Variants in ZNF654 observed in about 807,000 individuals in gnomAD.
ZNF654 encodes zinc finger protein 654.
ZNF654 carries 19 observed loss-of-function variants against 95.3 expected under a neutral mutation model. That is an observed-to-expected ratio of 0.20 (90% CI 0.14 to 0.29). The LOEUF is 0.29. Among genes scored for constraint, ZNF654 ranks in the 10% least tolerant of loss-of-function variants. The probability of loss-of-function intolerance (pLI) is 1.00; values close to 1 mark genes in which losing one functional copy is unlikely to be tolerated. For missense variants in ZNF654, 1,046 were observed against 1,341.0 expected, an observed-to-expected ratio of 0.78 and a Z score of 3.44; for synonymous variants, 413 against 457.9, an observed-to-expected ratio of 0.90 and a Z score of 1.25.
At chr3:88,065,240 AGATGTTGACGGCTGTATTTGGG>A (rs1707128415) in intron 1 of ZNF654, among the ~76,000 whole-genome samples, 3 of 152,170 alleles carry the variant, frequency 2.0e-5, no homozygotes. Context: ...AATGAACCTT[AGATGTTGACGGCTGTATTTGGG>A]GAGCTAAATC....
At chr3:88,074,713 A>G (rs1707706260) in intron 1 of ZNF654, among the ~76,000 whole-genome samples, 2 of 152,152 alleles carry the variant, frequency 1.3e-5, no homozygotes, top group African/African-American at 4.8e-5. Flanking sequence ...CCCAATACCC[A>G]TTAAATTTAG....
intron 3 of ZNF654, among the ~76,000 whole-genome samples, chr3:88,117,577 G>T (rs544105058): frequency 1.3e-5 from 2 of 152,122 alleles, no homozygotes; most frequent in South Asian, 2.1e-4. Flanking sequence ...TACAAATGGG[G>T]TCATTACAGA....
chr3:88,135,724 C>G (rs1706737835), intron 7 of ZNF654, among the ~76,000 whole-genome samples: 1 of 152,058 alleles, frequency 6.6e-6, no homozygotes, highest in African/African-American at 2.4e-5. Context: ...ACTTGGGCCA[C>G]TTGCAAGTGA....
chr3:88,062,250 T>C (rs1478902806), intron 1 of ZNF654, among the ~76,000 whole-genome samples: 1 of 152,176 alleles, frequency 6.6e-6, no homozygotes, highest in African/African-American at 2.4e-5. Flanking sequence ...AGACAGCAAG[T>C]AGCATAGTTG....
intron 2 of ZNF654, among the ~76,000 whole-genome samples, chr3:88,108,528 C>G (rs1704885882): frequency 6.6e-6 from 1 of 152,090 alleles, no homozygotes; most frequent in Non-Finnish European, 1.5e-5. Flanking sequence ...AGAAATAATA[C>G]ATTTTAAAAT....
intron 2 of ZNF654, among the ~76,000 whole-genome samples, chr3:88,104,389 A>G (rs1312810897): frequency 1.3e-5 from 2 of 152,186 alleles, no homozygotes; most frequent in African/African-American, 4.8e-5. Flanking sequence ...CTCTGTAACT[A>G]CTCAGCTTTG....
intron 1 of ZNF654, among the ~76,000 whole-genome samples, chr3:88,064,449 T>C (rs2107591654): frequency 6.6e-6 from 1 of 152,332 alleles, no homozygotes; most frequent in Non-Finnish European, 1.5e-5. Context: ...AATTAGGAGT[T>C]AGTTGCCATT....
chr3:88,117,532 C>T (rs879461961), intron 3 of ZNF654, among the ~76,000 whole-genome samples: 5 of 151,910 alleles, frequency 3.3e-5, no homozygotes, highest in Non-Finnish European at 7.4e-5. Context: ...ATCAGGACAA[C>T]AAAGTAGTAT....
In ZNF654 at chr3:88,138,899, T is replaced by C; in HGVS notation, c.1230T>C (p.Thr410=). 3 of 1,233,594 alleles carry C rather than the reference T, an allele frequency of 2.4e-6. No individual in the cohort carries two copies. Among genetic ancestry groups the C allele is most frequent in the Non-Finnish European group, 3.0e-6 (3 of 989,108 alleles). The allele number at this position is 1,233,594 out of a possible 1,614,324, so 76.4% of individuals were successfully genotyped here. The change falls in exon 8 of 9, where the codon ACT becomes ACC. Residue 410 remains threonine, a synonymous_variant. Coordinates refer to ENST00000636215, the MANE Select transcript of ZNF654 (RefSeq NM_001350134.2). The part of the protein sequence containing the change: ...FLERSLEAYR[T]VEELYKRPDE... The stretch of plus-strand genomic sequence containing the variant: ...AGCGCTCCTTAGAAGCGTATCGTAC[T>C]GTTGAAGAGCTTTACAAACGTCCAG...
rs1003285939 is a variant in ZNF654 at position 88,135,434 on chromosome 3, T to C, written c.1035+232T>C. On this transcript the variant is annotated intron_variant, in intron 7 of 8. Transcript: ENST00000636215. The stretch of plus-strand genomic sequence containing the variant: ...GGAAGCAATTGCTTCCATTACAACC[T>C]TTTTTCTTATAATTAAATATTTGTT... 58 of 305,508 alleles carry C rather than the reference T, an allele frequency of 1.9e-4. No homozygotes were observed. The Middle Eastern group carries it at 3.5e-3, about 19-fold the overall frequency. 18.9% of individuals were successfully genotyped at this position (305,508 alleles called of 1,614,324 possible). A position where few individuals can be genotyped will look rare whatever the true frequency, so the allele number is the denominator to read the frequency against.
At chr3:88,065,405 G>A (rs1209872909) in intron 1 of ZNF654, among the ~76,000 whole-genome samples, 1 of 151,954 alleles carries the variant, frequency 6.6e-6, no homozygotes, top group Non-Finnish European at 1.5e-5. Context: ...CTATTATTAG[G>A]GGAGTTAGTA....
At chr3:88,112,013 C>G (rs1018357478) in intron 2 of ZNF654, among the ~76,000 whole-genome samples, 2 of 151,826 alleles carry the variant, frequency 1.3e-5, no homozygotes, top group African/African-American at 4.8e-5. Flanking sequence ...AACCTAACTT[C>G]TAGAAGCATT....
rs1453217139 is a variant in ZNF654, at chr3:88,139,203, C to T, written c.1534C>T (p.Pro512Ser). The change falls in exon 8 of 9, where the codon CCT (proline) becomes TCT (serine). Residue 512 changes from proline to serine, a missense_variant. Around this residue, in one of 9 missense-constraint regions of ZNF654, gnomAD observed 100 missense variants for 108.9 expected, o/e 0.92. Transcript: ENST00000636215. Reference sequence around the variant, plus strand: ...AGATCAGAGCACTGGAGAGACTGATCCTGATGATGTATCTGGAGTGCAGCC... The same window carrying T: ...AGATCAGAGCACTGGAGAGACTGATTCTGATGATGTATCTGGAGTGCAGCC... ...LTDQSTGETD[P>S]DDVSGVQPKG... is the part of the protein sequence containing the mutation. 4.8e-6 allele frequency: 7 copies of T among 1,457,848 alleles called. No homozygotes were observed. Among genetic ancestry groups the T allele is most frequent in the African/African-American group, 1.4e-5 (1 of 70,126 alleles). The allele number at this position is 1,457,848 out of a possible 1,614,324, so 90.3% of individuals were successfully genotyped here.
intron 6 of ZNF654, among the ~76,000 whole-genome samples, chr3:88,133,257 G>A (rs1457446311): frequency 6.6e-6 from 1 of 152,126 alleles, no homozygotes; most frequent in Non-Finnish European, 1.5e-5. Flanking sequence ...GAAAAGCATG[G>A]CTCATTGAAT....
rs1707195701 is a variant in ZNF654 at position 88,142,823 on chromosome 3, T to C, written c.*1171T>C. On this transcript the variant is annotated 3_prime_UTR_variant, in exon 9 of 9. Transcript: ENST00000636215. Reference sequence around the variant, plus strand: ...ATTTGCACAAGAACACAGTAAGAGATACATTCAAGCATTGTTTTCCTTAGT... The same window carrying C: ...ATTTGCACAAGAACACAGTAAGAGACACATTCAAGCATTGTTTTCCTTAGT... 1 of 152,288 alleles carries C rather than the reference T, an allele frequency of 6.6e-6. No individual in the cohort carries two copies. Among genetic ancestry groups the C allele is most frequent in the Non-Finnish European group, 1.5e-5 (1 of 67,792 alleles). The allele number at this position is 152,288 out of a possible 1,614,324, so 9.4% of individuals were successfully genotyped here. A position where few individuals can be genotyped will look rare whatever the true frequency, so the allele number is the denominator to read the frequency against.
At chr3:88,082,980 G>A (rs544054831) in intron 1 of ZNF654, among the ~76,000 whole-genome samples, 6 of 152,178 alleles carry the variant, frequency 3.9e-5, no homozygotes, top group Non-Finnish European at 7.4e-5. Context: ...TGTGCATAGA[G>A]AAAGAGAGAG....
intron 1 of ZNF654, among the ~76,000 whole-genome samples, chr3:88,063,364 C>T (rs931366186): frequency 3.3e-5 from 5 of 152,052 alleles, no homozygotes; most frequent in African/African-American, 9.7e-5. Flanking sequence ...TTTTAAGTAA[C>T]GACTGTGGGC....
chr3:88,132,364 C>T (rs1010167805), intron 6 of ZNF654, among the ~76,000 whole-genome samples: 5 of 152,174 alleles, frequency 3.3e-5, no homozygotes, highest in Admixed American at 1.3e-4. Flanking sequence ...CTGGGAAATG[C>T]GTTTGTACAC....
At chr3:88,070,410 G>A (rs182185977) in intron 1 of ZNF654, among the ~76,000 whole-genome samples, 323 of 151,288 alleles carry the variant, frequency 2.1e-3, no homozygotes, top group Middle Eastern at 0.014. Flanking sequence ...GCATTTTCTT[G>A]GTGAGCAGAT....
Sources: allele counts gnomAD v4.1 joint callset (sites outside exome capture counted in the v4.1 genomes callset), GRCh38; gene constraint gnomAD v4.1.1; regional missense constraint gnomAD v4.1.1; transcripts MANE v1.5; gene names NCBI Gene and HGNC (gene_info 2026-07-23, HGNC 2026-07-21).